FUT9: variants seen among roughly 807,000 people sequenced by gnomAD.
The protein encoded by FUT9 is fucosyltransferase 9, also known as 4-galactosyl-N-acetylglucosaminide 3-alpha-L-fucosyltransferase 9.
Under a neutral mutation model 29.7 loss-of-function variants are expected in FUT9, and 15 were observed. The observed-to-expected ratio is 0.51, with a 90% CI of 0.34 to 0.78. The LOEUF is 0.78. Among genes scored for constraint, FUT9 ranks in the 30% least tolerant of loss-of-function variants. The pLI is 0.01. For synonymous variants in FUT9, 169 were observed against 153.7 expected (o/e 1.10, Z -0.74); for missense variants, 319 against 425.4 (o/e 0.75, Z 2.20).
intron 1 of FUT9, among the ~76,000 whole-genome samples, chr6:96,074,779 T>C (rs560966485): frequency 5.9e-5 from 9 of 152,172 alleles, no homozygotes; most frequent in African/African-American, 2.2e-4. Context: ...TTTAATTTAA[T>C]TATTGTTTTT....
intron 2 of FUT9, among the ~76,000 whole-genome samples, chr6:96,189,636 AATTG>A (rs1437561330): frequency 6.6e-6 from 1 of 152,068 alleles, no homozygotes; most frequent in Non-Finnish European, 1.5e-5. Flanking sequence ...CTTCTTGTTG[AATTG>A]ATCCCTTTAC....
intron 2 of FUT9, among the ~76,000 whole-genome samples, chr6:96,177,523 G>C (rs1381507154): frequency 3.3e-5 from 5 of 152,108 alleles, no homozygotes; most frequent in East Asian, 1.9e-4. Flanking sequence ...AAACCTATCT[G>C]TTTCTGACTA....
intron 1 of FUT9, among the ~76,000 whole-genome samples, chr6:96,061,257 G>T: frequency 1.3e-5 from 2 of 148,734 alleles, no homozygotes; most frequent in Admixed American, 6.7e-5. Flanking sequence ...CTCCCCTTAA[G>T]AATGATTTTA....
intron 1 of FUT9, among the ~76,000 whole-genome samples, chr6:96,065,328 C>T (rs1323644197): frequency 6.6e-6 from 1 of 152,130 alleles, no homozygotes; most frequent in East Asian, 1.9e-4. Flanking sequence ...ACAAACAATG[C>T]TCTCTTAAGG....
rs560155444 is a variant in FUT9 at position 96,064,966 on chromosome 6, C to A, written c.-98+48754C>A. Among the ~76,000 whole-genome samples the A allele has an allele frequency of 2.0e-5, 3 of 152,248 alleles. No homozygotes were observed. The East Asian group carries it at 5.8e-4, about 29-fold the overall frequency. On this transcript the variant is annotated intron_variant, in intron 1 of 2. Coordinates refer to ENST00000302103, the MANE Select transcript of FUT9 (RefSeq NM_006581.4). ...AAAATATGTTCTTAGATTGCTACAA[C>A]ACAATACTCTAAACAGTAAAAATGA...
At position 96,207,831 on chromosome 6, in the gene FUT9, G is replaced by A. The variant is rs1773860871; in HGVS notation, c.*3596G>A. ...TAGACATCAGTAAGAATAAATAAAT[G>A]TTAATCATTATAGACCTTACTAATA... On this transcript the variant is annotated 3_prime_UTR_variant, in exon 3 of 3. Transcript: ENST00000302103. The A allele has an allele frequency of 6.0e-6, 1 of 166,764 alleles. No homozygotes were observed. Among genetic ancestry groups the A allele is most frequent in the Non-Finnish European group, 1.5e-5 (1 of 68,002 alleles). The allele number at this position is 166,764 out of a possible 1,614,324, so 10.3% of individuals were successfully genotyped here. A position where few individuals can be genotyped will look rare whatever the true frequency, so the allele number is the denominator to read the frequency against.
chr6:96,195,699 T>C (rs1773611985), intron 2 of FUT9, among the ~76,000 whole-genome samples: 1 of 152,204 alleles, frequency 6.6e-6, no homozygotes, highest in Non-Finnish European at 1.5e-5. Context: ...GCTTTTGTTT[T>C]TAATCTTGCA....
intron 1 of FUT9, among the ~76,000 whole-genome samples, chr6:96,063,263 A>G (rs962810987): frequency 2.0e-5 from 3 of 152,160 alleles, no homozygotes; most frequent in African/African-American, 7.2e-5. Context: ...TCTTAAGAAA[A>G]TAGGTTTAAT....
chr6:96,097,491 G>C (rs1771520661), intron 1 of FUT9, among the ~76,000 whole-genome samples: 1 of 151,956 alleles, frequency 6.6e-6, no homozygotes, highest in Non-Finnish European at 1.5e-5. Context: ...ATATATTGTT[G>C]TATGAGTGAA....
chr6:96,129,719 A>C (rs1034851857), intron 2 of FUT9, among the ~76,000 whole-genome samples: 4 of 151,964 alleles, frequency 2.6e-5, no homozygotes, highest in Admixed American at 2.6e-4. Context: ...TTAGTATTAA[A>C]ATTTGGTATT....
At chr6:96,081,249 T>C (rs1442905430) in intron 1 of FUT9, among the ~76,000 whole-genome samples, 1 of 150,930 alleles carries the variant, frequency 6.6e-6, no homozygotes, top group Non-Finnish European at 1.5e-5. Flanking sequence ...TAAATTGCCA[T>C]CCATTTCTTG....
intron 2 of FUT9, among the ~76,000 whole-genome samples, chr6:96,130,943 T>G (rs7742857): frequency 0.38 from 57,598 of 151,850 alleles, 11,342 homozygotes; most frequent in East Asian, 0.7. Context: ...CCTGATCCTT[T>G]TTGAGGAATC....
At chr6:96,049,961 A>C (rs2127937722) in intron 1 of FUT9, among the ~76,000 whole-genome samples, 1 of 152,268 alleles carries the variant, frequency 6.6e-6, no homozygotes, top group Non-Finnish European at 1.5e-5. Context: ...CCTCATCTTA[A>C]AAATTAGAAA....
At chr6:96,092,692 A>T (rs1483824282) in intron 1 of FUT9, among the ~76,000 whole-genome samples, 1 of 152,070 alleles carries the variant, frequency 6.6e-6, no homozygotes, top group African/African-American at 2.4e-5. Context: ...TAAATAACTT[A>T]TCTTTCAGCT....
rs900121434 is a variant in FUT9 at position 96,215,248 on chromosome 6, G to A, written c.*11013G>A. 4.2e-5 allele frequency: 7 copies of A among 167,006 alleles called. No individual in the cohort carries two copies. Among genetic ancestry groups the A allele is most frequent in the African/African-American group, 1.7e-4 (7 of 41,454 alleles). 10.3% of individuals were successfully genotyped at this position (167,006 alleles called of 1,614,324 possible). A position where few individuals can be genotyped will look rare whatever the true frequency, so the allele number is the denominator to read the frequency against. On this transcript the variant is annotated 3_prime_UTR_variant, in exon 3 of 3. Transcript: ENST00000302103. ...GTTTTCCACAAATTAAACTGGAGAT[G>A]TCATTTGAAATTTTCTTCCCTTAAA...
Position 96,212,405 on chromosome 6 carries a change from A to G in FUT9, c.*8170A>G, listed in dbSNP as rs955677228. ...GCAAATGAAGATTATCTGATTGTCTATGTAAACCTGGAAGTAGTCTACTTT... is the reference window on the plus strand; with the variant it reads ...GCAAATGAAGATTATCTGATTGTCTGTGTAAACCTGGAAGTAGTCTACTTT... On this transcript the variant is annotated 3_prime_UTR_variant, in exon 3 of 3. Coordinates refer to ENST00000302103, the MANE Select transcript of FUT9 (RefSeq NM_006581.4). 3.9e-5 allele frequency: 16 copies of G among 412,186 alleles called. No individual in the cohort carries two copies. Among genetic ancestry groups the G allele is most frequent in the African/African-American group, 1.4e-4 (7 of 48,580 alleles). 25.5% of individuals were successfully genotyped at this position (412,186 alleles called of 1,614,324 possible).
intron 2 of FUT9, among the ~76,000 whole-genome samples, chr6:96,142,566 G>A (rs1021649842): frequency 6.6e-6 from 1 of 152,148 alleles, no homozygotes; most frequent in Non-Finnish European, 1.5e-5. Flanking sequence ...ACAACTAAGT[G>A]AATCTGATCC....
At position 96,118,152 on chromosome 6, in the gene FUT9, C is replaced by A. The variant is rs1364397048; in HGVS notation, c.-9+4025C>A. ...CATGGGAGTTGGAGGTTGCAGTGAG[C>A]CAAGATTGCACCACTGCAGTCCAGC... On this transcript the variant is annotated intron_variant, in intron 2 of 2. Transcript: ENST00000302103. 2.0e-5 allele frequency among the ~76,000 whole-genome samples: 3 copies of A among 150,572 alleles called. No individual in the cohort carries two copies. The East Asian group carries it at 5.9e-4, about 30-fold the overall frequency.
intron 1 of FUT9, among the ~76,000 whole-genome samples, chr6:96,070,078 T>C (rs2127947143): frequency 6.6e-6 from 1 of 152,190 alleles, no homozygotes; most frequent in East Asian, 1.9e-4. Flanking sequence ...TTACAGAATA[T>C]TTAACTTCCT....
Sources: allele counts gnomAD v4.1 joint callset (sites outside exome capture counted in the v4.1 genomes callset), GRCh38; gene constraint gnomAD v4.1.1; transcripts MANE v1.5; gene names NCBI Gene and HGNC (gene_info 2026-07-23, HGNC 2026-07-21).